The following PPL variants were observed in gnomAD, a reference collection of about 807,000 sequenced individuals.
PPL encodes the protein periplakin.
PPL carries 198 observed loss-of-function variants against 194.4 expected under a neutral mutation model. That is an observed-to-expected ratio of 1.02 (90% confidence interval 0.91 to 1.15). PPL has a LOEUF of 1.15. Ranked by LOEUF, PPL falls within the 50% of genes most tolerant of loss-of-function variation. The pLI is 0.00. For synonymous variants in PPL, 1,220 were observed against 972.4 expected (o/e 1.25, Z -4.74); for missense variants, 2,885 against 2,294.8 (o/e 1.26, Z -5.25).
Position 4,895,581 on chromosome 16 carries a change from G to T in PPL, c.1095+13C>A, listed in dbSNP as rs772055887. On this transcript the variant is annotated intron_variant, in intron 10 of 21. Transcript: ENST00000345988. ...GCCCCCCGGGCCAGCAGGGGTCCTG[G>T]GCCATCGCTCACATCCAGCTCCCGC... 1 of 1,613,740 alleles carries T rather than the reference G, an allele frequency of 6.2e-7. No homozygotes were observed. The highest frequency in any genetic ancestry group is 2.2e-5 in the East Asian group (1 of 44,874).
chr16:4,917,948 C>A (rs1355421120), intron 1 of PPL, among the ~76,000 whole-genome samples: 5 of 148,914 alleles, frequency 3.4e-5, no homozygotes, highest in Non-Finnish European at 7.4e-5. Context: ...AATGAGTGAA[C>A]TGGATGATAT....
intron 1 of PPL, among the ~76,000 whole-genome samples, chr16:4,931,169 G>C (rs1352670417): frequency 6.6e-6 from 1 of 152,180 alleles, no homozygotes; most frequent in Non-Finnish European, 1.5e-5. Flanking sequence ...TTCAGGACCA[G>C]AGTGGGCAAT....
At chr16:4,894,053 C>A (rs1184708388) in intron 12 of PPL, among the ~76,000 whole-genome samples, 1 of 152,156 alleles carries the variant, frequency 6.6e-6, no homozygotes, top group East Asian at 1.9e-4. Flanking sequence ...AGCCCAGGCC[C>A]AATGAGACTG....
Position 4,902,315 on chromosome 16 carries a change from G to A in PPL, c.438+91C>T. 1.3e-6 allele frequency: 2 copies of A among 1,552,404 alleles called. No homozygotes were observed. The highest frequency in any genetic ancestry group is 2.3e-5 in the East Asian group (1 of 43,824). On this transcript the variant is annotated intron_variant, in intron 4 of 21. Coordinates refer to ENST00000345988, the MANE Select transcript of PPL (RefSeq NM_002705.5). The surrounding 1 kb of genome is among the most constrained non-coding windows in gnomAD (Gnocchi z 4.0). ...CGACTGTCTCCCTGGTAAGACCCGG[G>A]ATGCCCATTACATGGGTAGGCTCTC...
chr16:4,897,590 G>T, intron 9 of PPL, 85 bp downstream of exon 9: 1 of 1,066,482 alleles, frequency 9.4e-7, no homozygotes, highest in South Asian at 1.4e-5. Flanking sequence ...AGGAGCACGA[G>T]GCCACACATG....
At chr16:4,886,305 T>A (rs577138005) in intron 21 of PPL, among the ~76,000 whole-genome samples, 20 of 152,294 alleles carry the variant, frequency 1.3e-4, no homozygotes, top group Non-Finnish European at 2.6e-4. Flanking sequence ...CTGGTCCCCG[T>A]CCTAGGGCGT....
At chr16:4,914,382 C>A (rs1300024260) in intron 1 of PPL, among the ~76,000 whole-genome samples, 1 of 152,200 alleles carries the variant, frequency 6.6e-6, no homozygotes, top group Non-Finnish European at 1.5e-5. Flanking sequence ...TACCTGGACA[C>A]CTACCGGAGT....
chr16:4,889,012 C>T lies in PPL; in HGVS notation c.2363G>A (p.Cys788Tyr). 6.2e-7 allele frequency: 1 copy of T among 1,613,672 alleles called. No individual in the cohort carries two copies. Among genetic ancestry groups the T allele is most frequent in the Non-Finnish European group, 8.5e-7 (1 of 1,179,902 alleles). Residue 788 changes from cysteine (C) to tyrosine (Y), a missense_variant, in exon 19 of 22, where the codon TGT (cysteine) becomes TAT (tyrosine). Cys to Tyr is a radical substitution (Grantham distance 194). Coordinates refer to ENST00000345988, the MANE Select transcript of PPL (RefSeq NM_002705.5). The part of the protein sequence containing the change: ...ASREQEVQKI[C>Y]ANSQQYQQAV... The stretch of plus-strand genomic sequence containing the variant: ...TTGCTGGTACTGCTGGGAATTGGCA[C>T]AGATCTTCTGTACTTCCTGCTCCCT...
At chr16:4,927,738 A>T (rs1044601385) in intron 1 of PPL, among the ~76,000 whole-genome samples, 1 of 152,214 alleles carries the variant, frequency 6.6e-6, no homozygotes, top group Admixed American at 6.5e-5. Context: ...TAGTAATTCC[A>T]GGTCTGTTTT....
chr16:4,895,807 G>C, intron 9 of PPL, 91 bp from the exon 10 acceptor site: 1 of 1,571,276 alleles, frequency 6.4e-7, no homozygotes, highest in Non-Finnish European at 8.7e-7. Context: ...CTCAGGCGGG[G>C]CTGGGCCTCC....
At position 4,898,417 on chromosome 16, in the gene PPL, C is replaced by T. The variant is rs116880104; in HGVS notation, c.876+596G>A. ...GGCATTGTGGGGGTTGGGAAGAATGCGACCTTATTTGGGAATAAGATCTTT... is the reference window on the plus strand; with the variant it reads ...GGCATTGTGGGGGTTGGGAAGAATGTGACCTTATTTGGGAATAAGATCTTT... On this transcript the variant is annotated intron_variant, in intron 8 of 21. Coordinates refer to ENST00000345988, the MANE Select transcript of PPL (RefSeq NM_002705.5). 3.2e-3 allele frequency among the ~76,000 whole-genome samples: 489 copies of T among 152,234 alleles called. 1 individual carries two copies. Among genetic ancestry groups the T allele is most frequent in the Non-Finnish European group, 4.2e-3 (287 of 68,012 alleles).
chr16:4,889,012 C>G lies in PPL; in HGVS notation c.2363G>C (p.Cys788Ser), dbSNP rs781667485. The change falls in exon 19 of 22, where the codon TGT (cysteine) becomes TCT (serine). Residue 788 changes from cysteine to serine, a missense_variant. Physicochemically the swap from Cys to Ser is moderately radical, Grantham distance 112 (BLOSUM62 -1). Coordinates refer to ENST00000345988, the MANE Select transcript of PPL (RefSeq NM_002705.5). The part of the protein sequence containing the change: ...ASREQEVQKI[C>S]ANSQQYQQAV... ...TTGCTGGTACTGCTGGGAATTGGCACAGATCTTCTGTACTTCCTGCTCCCT... is the reference window on the plus strand; with the variant it reads ...TTGCTGGTACTGCTGGGAATTGGCAGAGATCTTCTGTACTTCCTGCTCCCT... The G allele has an allele frequency of 9.9e-6, 16 of 1,613,554 alleles. No individual in the cohort carries two copies. The highest frequency in any genetic ancestry group is 2.5e-6 in the Non-Finnish European group (3 of 1,179,910).
intron 6 of PPL, among the ~76,000 whole-genome samples, chr16:4,899,646 C>T (rs2088515278): frequency 6.6e-6 from 1 of 152,038 alleles, no homozygotes. Context: ...GACATGGCTC[C>T]AGACACTGGG....
At chr16:4,914,782 T>C (rs1245254346) in intron 1 of PPL, among the ~76,000 whole-genome samples, 1 of 152,174 alleles carries the variant, frequency 6.6e-6, no homozygotes, top group Admixed American at 6.5e-5. Context: ...GGGCTTTGGA[T>C]GGAGGATCTC....
Position 4,891,862 on chromosome 16 carries a change from G to A in PPL, c.1917C>T (p.Asp639=). ...GGACACGGCTGCTCTCAGGCACTGT[G>A]TCATCCTGATTCAGATGGTTCTCGT... is the stretch of plus-strand genomic sequence containing the variant. ...ATHENHLNQD[D]TVPESSRVLD... is the part of the protein sequence containing the mutation. The change falls in exon 16 of 22, where the codon GAC becomes GAT. Residue 639 remains aspartate (D), a synonymous_variant. Coordinates refer to ENST00000345988, the MANE Select transcript of PPL (RefSeq NM_002705.5). 1 of 1,613,550 alleles carries A rather than the reference G, an allele frequency of 6.2e-7. No homozygotes were observed. Among genetic ancestry groups the A allele is most frequent in the Non-Finnish European group, 8.5e-7 (1 of 1,180,016 alleles).
intron 19 of PPL, 115 bp from the exon 20 acceptor site, chr16:4,888,333 A>G (rs1412177459): frequency 4.2e-6 from 3 of 719,974 alleles, no homozygotes; most frequent in Non-Finnish European, 7.3e-6. Flanking sequence ...TGCTGGTTTT[A>G]TAATCTGCGT....
intron 1 of PPL, among the ~76,000 whole-genome samples, chr16:4,925,399 G>A (rs1446097107): frequency 6.6e-6 from 1 of 152,052 alleles, no homozygotes; most frequent in African/African-American, 2.4e-5. Context: ...CAACACTGAG[G>A]GCACCTACTG....
chr16:4,889,936 G>A (rs1398975571), intron 18 of PPL, among the ~76,000 whole-genome samples: 2 of 152,214 alleles, frequency 1.3e-5, no homozygotes, highest in African/African-American at 2.4e-5. Flanking sequence ...GCCAACCCAC[G>A]CCAAGTGTCC....
chr16:4,883,773 C>G lies in PPL; in HGVS notation c.4882G>C (p.Asp1628His). The G allele has an allele frequency of 6.2e-7, 1 of 1,614,124 alleles. No homozygotes were observed. The highest frequency in any genetic ancestry group is 8.5e-7 in the Non-Finnish European group (1 of 1,180,040). The change falls in exon 22 of 22, where the codon GAC (aspartate) becomes CAC (histidine). Residue 1628 changes from aspartate (D) to histidine (H), a missense_variant. Transcript: ENST00000345988. The surrounding 1 kb of genome is among the most constrained non-coding windows in gnomAD (Gnocchi z 4.8). ...ELDDLKRLSKDKDLEIDELQK... is the reference protein window; with the variant it reads ...ELDDLKRLSKHKDLEIDELQK... Reference sequence around the variant, plus strand: ...AGCTCGTCGATCTCGAGGTCTTTGTCCTTGGAGAGCCTCTTGAGGTCATCC... The same window carrying G: ...AGCTCGTCGATCTCGAGGTCTTTGTGCTTGGAGAGCCTCTTGAGGTCATCC...
Sources: gnomAD v4.1 joint callset for allele counts (sites outside exome capture counted in the v4.1 genomes callset) on GRCh38, gnomAD v4.1.1 for gene constraint, Gnocchi (gnomAD v3.1) non-coding constraint, MANE v1.5 for transcripts, NCBI Gene and HGNC (gene_info 2026-07-23, HGNC 2026-07-21) for gene names.